The following KAZN variants were observed in gnomAD, a reference collection of about 807,000 sequenced individuals.
KAZN encodes kazrin, periplakin interacting protein, also known as kazrin.
KAZN carries 40 observed loss-of-function variants against 87.4 expected under a neutral mutation model. The observed-to-expected ratio is 0.46, with a 90% confidence interval of 0.36 to 0.60. The LOEUF is 0.60. KAZN is among the 20% of genes least tolerant of loss of function. The pLI, the probability that KAZN is intolerant of heterozygous loss-of-function variation, is 0.00. For synonymous variants in KAZN, 466 were observed against 458.3 expected (o/e 1.02, Z -0.22); for missense variants, 898 against 1,073.9 (o/e 0.84, Z 2.29).
intron 2 of KAZN, among the ~76,000 whole-genome samples, chr1:15,005,922 A>G (rs559295165): frequency 2.6e-5 from 4 of 152,268 alleles, no homozygotes; most frequent in Admixed American, 2.6e-4. Context: ...GGCACTTAAC[A>G]GTTTTGTTTC....
intron 1 of KAZN, among the ~76,000 whole-genome samples, chr1:14,108,460 T>A (rs1644427593): frequency 6.6e-6 from 1 of 152,192 alleles, no homozygotes; most frequent in Non-Finnish European, 1.5e-5. Flanking sequence ...CAATATTTTT[T>A]ACCTGAACTG....
At chr1:14,877,729 G>A (rs1557580974) in intron 1 of KAZN, among the ~76,000 whole-genome samples, 2 of 152,228 alleles carry the variant, frequency 1.3e-5, no homozygotes, top group Non-Finnish European at 2.9e-5. Context: ...GCGTGAGCCT[G>A]TTGGGGGCAA....
intron 1 of KAZN, among the ~76,000 whole-genome samples, chr1:14,157,858 G>A (rs1239793143): frequency 1.3e-5 from 2 of 152,126 alleles, no homozygotes; most frequent in Non-Finnish European, 2.9e-5. Context: ...AGCAAGGCAT[G>A]TCTTACATGG....
rs573533220 is a variant in KAZN, at chr1:14,287,666, C to T, written c.249+107074C>T. The stretch of plus-strand genomic sequence containing the variant: ...CTTCCTCCTCTCCTAATTGAATACC[C>T]TTTATTTCTTTCTCTTGCTGATTGC... On this transcript the variant is annotated intron_variant, in intron 2 of 16. Transcript: ENST00000636203. Among the ~76,000 whole-genome samples the T allele has an allele frequency of 3.9e-5, 6 of 152,250 alleles. No homozygotes were observed. In the East Asian group the frequency reaches 9.6e-4, roughly 24 times the overall value.
At chr1:13,963,767 G>C (rs1641843427) in intron 1 of KAZN, among the ~76,000 whole-genome samples, 1 of 75,176 alleles carries the variant, frequency 1.3e-5, no homozygotes. Flanking sequence ...GTCTGTGTGT[G>C]TGTGTGTGTG....
intron 2 of KAZN, among the ~76,000 whole-genome samples, chr1:14,302,133 T>C (rs1301923698): frequency 6.6e-6 from 1 of 152,212 alleles, no homozygotes; most frequent in Non-Finnish European, 1.5e-5. Flanking sequence ...CCAATTTTTA[T>C]TGATAATATC....
intron 2 of KAZN, among the ~76,000 whole-genome samples, chr1:14,394,781 A>C (rs1335344144): frequency 6.6e-6 from 1 of 152,206 alleles, no homozygotes. Flanking sequence ...TGTTGAACGC[A>C]GTAAGAACTC....
At chr1:15,101,477 T>C (rs2100711708) in intron 10 of KAZN, 66 bp from the exon 11 acceptor site, 1 of 1,089,242 alleles carries the variant, frequency 9.2e-7, no homozygotes, top group Non-Finnish European at 1.4e-6. Context: ...CACCCATTTC[T>C]GCCCGTCCGT....
At chr1:14,023,766 G>A (rs1640951055) in intron 1 of KAZN, among the ~76,000 whole-genome samples, 1 of 152,176 alleles carries the variant, frequency 6.6e-6, no homozygotes, top group Non-Finnish European at 1.5e-5. Context: ...GCCAGGAGGG[G>A]AAGTGGGTGA....
chr1:14,283,396 A>G (rs1243241905), intron 2 of KAZN, among the ~76,000 whole-genome samples: 1 of 152,232 alleles, frequency 6.6e-6, no homozygotes, highest in Non-Finnish European at 1.5e-5. Context: ...TGACATGAAG[A>G]GGAAATAACT....
chr1:14,423,102 T>A (rs1420226415), intron 2 of KAZN, among the ~76,000 whole-genome samples: 2 of 152,258 alleles, frequency 1.3e-5, no homozygotes, highest in Non-Finnish European at 2.9e-5. Flanking sequence ...AGGCCCTGTC[T>A]ACTTAGCACC....
intron 2 of KAZN, among the ~76,000 whole-genome samples, chr1:14,416,476 C>T (rs1174678176): frequency 6.6e-6 from 1 of 152,152 alleles, no homozygotes; most frequent in Non-Finnish European, 1.5e-5. Context: ...GTGGCTCATG[C>T]CTATAATTCT....
intron 1 of KAZN, among the ~76,000 whole-genome samples, chr1:14,659,036 G>C (rs938446949): frequency 2.0e-5 from 3 of 152,044 alleles, no homozygotes; most frequent in East Asian, 3.9e-4. Context: ...GCCACAGTTC[G>C]AGACCAGCCT....
rs146108907 is a variant in KAZN at position 14,790,635 on chromosome 1, A to T, written c.227-170049A>T. Reference sequence around the variant, plus strand: ...GGAAGTCATTCAAGCAATTTTCACAAAGTTGTCCAATCCAAGTCCCGCCAG... The same window carrying T: ...GGAAGTCATTCAAGCAATTTTCACATAGTTGTCCAATCCAAGTCCCGCCAG... On this transcript the variant is annotated intron_variant, in intron 1 of 14. Transcript: ENST00000376030. Among the ~76,000 whole-genome samples the T allele has an allele frequency of 9.6e-3, 1,455 of 152,226 alleles. 29 individuals carry two copies. The highest frequency in any genetic ancestry group is 0.033 in the African/African-American group (1,391 of 41,526).
At position 14,461,350 on chromosome 1, in the gene KAZN, T is replaced by C. The variant is rs190526118; in HGVS notation, c.250-137633T>C. ...CATGGGGGGCAGTTCCCGCATACTGTTCTGTGGTGGTGAATAAGTCTCACG... is the reference window on the plus strand; with the variant it reads ...CATGGGGGGCAGTTCCCGCATACTGCTCTGTGGTGGTGAATAAGTCTCACG... On this transcript the variant is annotated intron_variant, in intron 2 of 16. Transcript: ENST00000636203. Among the ~76,000 whole-genome samples, 14 of 152,248 alleles carry C rather than the reference T, an allele frequency of 9.2e-5. No homozygotes were observed. In the East Asian group the frequency reaches 2.7e-3, roughly 29 times the overall value.
intron 1 of KAZN, chr1:14,929,804 G>A: frequency 1.0e-6 from 1 of 985,472 alleles, no homozygotes; most frequent in Non-Finnish European, 1.2e-6. Context: ...TTTCAAGGGA[G>A]AGGGAAGGTC....
Position 14,556,601 on chromosome 1 carries a change from TG to T in KAZN, c.250-42381del, listed in dbSNP as rs770161711. On this transcript the variant is annotated intron_variant, in intron 2 of 16. Transcript: ENST00000636203. ...GAAGACAACATTTTTTTCTCCAGGA[TG>T]TTTTTTTTCAGTTTGTATTCTGTTT... 5.3e-5 allele frequency among the ~76,000 whole-genome samples: 8 copies of T among 152,328 alleles called. No homozygotes were observed. In the East Asian group the frequency reaches 7.7e-4, roughly 15 times the overall value.
intron 1 of KAZN, among the ~76,000 whole-genome samples, chr1:14,791,202 C>A (rs1409173774): frequency 6.6e-6 from 1 of 152,196 alleles, no homozygotes. Flanking sequence ...GCTGGGACAG[C>A]CTTTTTCCTG....
At position 14,960,589 on chromosome 1, in the gene KAZN, A is replaced by T. The variant is rs1663721305; in HGVS notation, c.227-95A>T. On this transcript the variant is annotated intron_variant, in intron 1 of 14. Coordinates refer to ENST00000376030, the MANE Select transcript of KAZN (RefSeq NM_201628.3). ...AGGAAAGGCCCTGAATGCAGAGCAA[A>T]CAAAAAAGCCAAAGCCACCTCAAAC... 2.2e-6 allele frequency: 3 copies of T among 1,353,600 alleles called. No individual in the cohort carries two copies. In the Admixed American group the frequency reaches 7.2e-5, roughly 32 times the overall value. 83.8% of individuals were successfully genotyped at this position (1,353,600 alleles called of 1,614,324 possible). A position where few individuals can be genotyped will look rare whatever the true frequency, so the allele number is the denominator to read the frequency against.
Sources: gnomAD v4.1 joint callset for allele counts (sites outside exome capture counted in the v4.1 genomes callset) on GRCh38, gnomAD v4.1.1 for gene constraint, MANE v1.5 for transcripts, NCBI Gene and HGNC (gene_info 2026-07-23, HGNC 2026-07-21) for gene names.